The following SEMA6D variants were observed in gnomAD, a reference collection of about 807,000 sequenced individuals.
SEMA6D encodes the protein semaphorin-6D.
In SEMA6D, 35 loss-of-function variants were observed where a neutral mutation model predicts 106.6. The ratio of observed to expected loss-of-function variants is 0.33; its 90% confidence interval spans 0.25 to 0.44. The LOEUF is 0.44. Ranked by LOEUF, SEMA6D falls within the 20% of genes least tolerant of loss-of-function variation. SEMA6D has a pLI of 1.00. For missense variants in SEMA6D, 1,185 were observed against 1,345.9 expected (o/e 0.88, Z 1.87); for synonymous variants, 499 against 487.7 (o/e 1.02, Z -0.31).
chr15:47,206,899 C>T (rs1250728599), intron 1 of SEMA6D, among the ~76,000 whole-genome samples: 1 of 152,008 alleles, frequency 6.6e-6, no homozygotes, highest in African/African-American at 2.4e-5. Flanking sequence ...AATTAGTGTT[C>T]CTGGTTTGCT....
chr15:47,578,831 C>T (rs1278875952), intron 3 of SEMA6D, among the ~76,000 whole-genome samples: 1 of 152,168 alleles, frequency 6.6e-6, no homozygotes, highest in Non-Finnish European at 1.5e-5. Flanking sequence ...CATATAATAA[C>T]ACTTTTATGT....
intron 1 of SEMA6D, among the ~76,000 whole-genome samples, chr15:47,367,578 C>T (rs2039078607): frequency 6.6e-6 from 1 of 151,860 alleles, no homozygotes; most frequent in Non-Finnish European, 1.5e-5. Flanking sequence ...CTTAAAGTTG[C>T]CTTAAGCTAT....
At chr15:47,630,059 G>A (rs1276261709) in intron 4 of SEMA6D, among the ~76,000 whole-genome samples, 1 of 151,778 alleles carries the variant, frequency 6.6e-6, no homozygotes, top group Non-Finnish European at 1.5e-5. Flanking sequence ...CCTTTAGATA[G>A]ATATTCAGCA....
intron 4 of SEMA6D, among the ~76,000 whole-genome samples, chr15:47,684,247 TA>T (rs1188371883): frequency 4.0e-5 from 6 of 151,818 alleles, no homozygotes; most frequent in South Asian, 2.1e-4. Flanking sequence ...ATTACAATAA[TA>T]AAAAAAATTA....
chr15:47,507,060 G>C (rs1426754004), intron 3 of SEMA6D, among the ~76,000 whole-genome samples: 1 of 152,152 alleles, frequency 6.6e-6, no homozygotes, highest in African/African-American at 2.4e-5. Context: ...AACTTGAAAA[G>C]GGTGTTGTTT....
chr15:47,253,445 A>G (rs2033629403), intron 1 of SEMA6D, among the ~76,000 whole-genome samples: 2 of 152,114 alleles, frequency 1.3e-5, no homozygotes, highest in South Asian at 4.1e-4. Context: ...AGGAAATGCC[A>G]TGAAGCGTTT....
At chr15:47,714,210 A>C (rs553186373), upstream of SEMA6D, among the ~76,000 whole-genome samples, 1 of 152,242 alleles carries the variant, frequency 6.6e-6, no homozygotes, top group African/African-American at 2.4e-5. Context: ...ATTAACTATG[A>C]CCTCACTATT....
At chr15:47,195,508 A>G (rs1024509067) in intron 1 of SEMA6D, among the ~76,000 whole-genome samples, 45 of 152,108 alleles carry the variant, frequency 3.0e-4, no homozygotes, top group African/African-American at 1.0e-3. Flanking sequence ...AAAATTTTCC[A>G]GGGGAAGAAA....
At chr15:47,560,211 C>CA (rs145556955) in intron 3 of SEMA6D, among the ~76,000 whole-genome samples, 1,581 of 149,520 alleles carry the variant, frequency 0.011, 13 homozygotes, top group Admixed American at 0.021. Context: ...TATTCAGAGA[C>CA]AAAAAAAAAT....
chr15:47,766,779 C>G (rs1019011069), intron 16 of SEMA6D, 102 bp downstream of exon 16: 18 of 796,190 alleles, frequency 2.3e-5, no homozygotes, highest in Admixed American at 1.4e-4. Context: ...AGGACACATA[C>G]CACCTAGCAT....
At chr15:47,531,230 A>G (rs1277511653) in intron 3 of SEMA6D, among the ~76,000 whole-genome samples, 2 of 152,348 alleles carry the variant, frequency 1.3e-5, no homozygotes, top group Non-Finnish European at 2.9e-5. Flanking sequence ...CTATAAATAC[A>G]CATATAGCAA....
intron 2 of SEMA6D, among the ~76,000 whole-genome samples, chr15:47,460,780 T>C (rs2042483882): frequency 6.6e-6 from 1 of 152,158 alleles, no homozygotes. Context: ...GTAAATGTTA[T>C]AGATTTGGTA....
In SEMA6D at chr15:47,218,771, TATCTC is replaced by T. The variant is rs201584137; in HGVS notation, c.-239+34358_-239+34362del. ...ACTGTGTCAATTGTCTGATACATGT[TATCTC>T]ATCTAACGGTCACAGTAACTCTAGG... is the stretch of plus-strand genomic sequence containing the variant. On this transcript the variant is annotated intron_variant, in intron 1 of 19. Coordinates refer to the SEMA6D transcript ENST00000558014. Among the ~76,000 whole-genome samples the T allele has an allele frequency of 6.3e-3, 958 of 152,342 alleles. 10 individuals carry two copies. Among genetic ancestry groups the T allele is most frequent in the African/African-American group, 0.022 (912 of 41,566 alleles).
chr15:47,444,209 C>G (rs1389247870), intron 2 of SEMA6D, among the ~76,000 whole-genome samples: 1 of 152,152 alleles, frequency 6.6e-6, no homozygotes, highest in East Asian at 1.9e-4. Flanking sequence ...TGCACATGCA[C>G]ATACACACCC....
intron 4 of SEMA6D, among the ~76,000 whole-genome samples, chr15:47,617,208 C>A (rs1435142381): frequency 6.6e-6 from 1 of 152,192 alleles, no homozygotes; most frequent in African/African-American, 2.4e-5. Context: ...TACCTACCTT[C>A]TCTGGCAGAG....
chr15:47,475,763 T>G (rs2042984951), intron 3 of SEMA6D, among the ~76,000 whole-genome samples: 1 of 152,210 alleles, frequency 6.6e-6, no homozygotes, highest in African/African-American at 2.4e-5. Flanking sequence ...ATCAGTTTTA[T>G]CTGTAAATTA....
intron 1 of SEMA6D, among the ~76,000 whole-genome samples, chr15:47,305,603 T>C (rs2036202046): frequency 6.6e-6 from 1 of 152,272 alleles, no homozygotes; most frequent in Non-Finnish European, 1.5e-5. Flanking sequence ...TGCATTTTTA[T>C]ACTACAGTCA....
intron 1 of SEMA6D, among the ~76,000 whole-genome samples, chr15:47,410,861 C>T (rs914901318): frequency 2.6e-5 from 4 of 152,106 alleles, no homozygotes; most frequent in Non-Finnish European, 5.9e-5. Context: ...GATAATACTA[C>T]CCTAAATGAT....
chr15:47,331,853 A>G (rs558612200), intron 1 of SEMA6D, among the ~76,000 whole-genome samples: 27 of 152,340 alleles, frequency 1.8e-4, no homozygotes, highest in Admixed American at 9.2e-4. Flanking sequence ...CAAACAGCCA[A>G]TAACCTATGT....
Sources: gnomAD v4.1 joint callset for allele counts (sites outside exome capture counted in the v4.1 genomes callset) on GRCh38, gnomAD v4.1.1 for gene constraint, MANE v1.5 for transcripts, NCBI Gene and HGNC (gene_info 2026-07-23, HGNC 2026-07-21) for gene names.